PBRM1: variants seen among roughly 807,000 people sequenced by gnomAD.
PBRM1 encodes protein polybromo-1.
In PBRM1, 27 loss-of-function variants were observed where a neutral mutation model predicts 194.5. The observed-to-expected ratio is 0.14, with a 90% CI of 0.10 to 0.19. The LOEUF is 0.19. PBRM1 is among the 10% of genes least tolerant of loss of function. The probability of loss-of-function intolerance (pLI) is 1.00; values close to 1 mark genes in which losing one functional copy is unlikely to be tolerated. For synonymous variants in PBRM1, 655 were observed against 693.2 expected, an observed-to-expected ratio of 0.94 and a Z score of 0.87; for missense variants, 1,466 against 2,077.2, an observed-to-expected ratio of 0.71 and a Z score of 5.72.
chr3:52,591,458 A>G (rs1214504697), intron 17 of PBRM1, among the ~76,000 whole-genome samples: 1 of 150,634 alleles, frequency 6.6e-6, no homozygotes, highest in Non-Finnish European at 1.5e-5. Context: ...AGAGTTTTTA[A>G]TATGTCAAAA....
intron 22 of PBRM1, among the ~76,000 whole-genome samples, chr3:52,575,076 A>AT (rs1365151606): frequency 1.3e-5 from 2 of 151,692 alleles, no homozygotes; most frequent in Admixed American, 6.6e-5. Flanking sequence ...TAATTTCTGT[A>AT]TTTTTTTGTA....
At chr3:52,643,495 C>T (rs761686987) in intron 8 of PBRM1, 152 bp from the exon 10 acceptor site, 1 of 618,760 alleles carries the variant, frequency 1.6e-6, no homozygotes, top group Non-Finnish European at 2.9e-6. Flanking sequence ...CTGCTTCAGG[C>T]CCTGGGGACT....
intron 13 of PBRM1, among the ~76,000 whole-genome samples, chr3:52,619,398 A>G (rs62253733): frequency 0.34 from 51,423 of 152,016 alleles, 9,698 homozygotes; most frequent in Admixed American, 0.46. Context: ...TACTTATAAT[A>G]CCTAATACAT....
intron 3 of PBRM1, among the ~76,000 whole-genome samples, chr3:52,668,272 G>A (rs181481804): frequency 4.9e-4 from 74 of 152,320 alleles, no homozygotes; most frequent in African/African-American, 1.7e-3. Flanking sequence ...ACTCCAGCCC[G>A]TGTAACAGAG....
exon 17 of PBRM1, chr3:52,603,703 A>C: frequency 6.2e-7 from 1 of 1,605,952 alleles, no homozygotes. Flanking sequence ...CTGAAGTTCT[A>C]CTGCATCTTC....
chr3:52,556,692 T>G (rs998050880), intron 26 of PBRM1, among the ~76,000 whole-genome samples: 5 of 152,214 alleles, frequency 3.3e-5, no homozygotes, highest in African/African-American at 1.2e-4. Context: ...TAAGTAAGAC[T>G]CAGGCCCTAA....
At chr3:52,546,045 CTA>C (rs1319923804), downstream of PBRM1, 6 of 233,092 alleles carry the variant, frequency 2.6e-5, no homozygotes, top group Non-Finnish European at 5.1e-5. Context: ...CTGGCTGGAT[CTA>C]TGTTTCCTAT....
chr3:52,684,346 C>A (rs1448859424), upstream of PBRM1, among the ~76,000 whole-genome samples: 1 of 152,000 alleles, frequency 6.6e-6, no homozygotes, highest in Non-Finnish European at 1.5e-5. Flanking sequence ...GTTAAGAATA[C>A]TTAATAATGT....
At chr3:52,656,578 T>A (rs2096611830) in intron 5 of PBRM1, among the ~76,000 whole-genome samples, 1 of 152,194 alleles carries the variant, frequency 6.6e-6, no homozygotes, top group African/African-American at 2.4e-5. Flanking sequence ...GGCAGGACAA[T>A]CGCTTGAACT....
chr3:52,601,162 G>A (rs1480122864), intron 17 of PBRM1, among the ~76,000 whole-genome samples: 2 of 152,190 alleles, frequency 1.3e-5, no homozygotes, highest in African/African-American at 4.8e-5. Flanking sequence ...GGATACTTTG[G>A]TTTTGAATCT....
chr3:52,649,095 G>A (rs2096412899), intron 6 of PBRM1, among the ~76,000 whole-genome samples: 1 of 152,212 alleles, frequency 6.6e-6, no homozygotes, highest in East Asian at 1.9e-4. Flanking sequence ...TGAGCGAAAT[G>A]GAAGGTGGAG....
chr3:52,575,714 T>C (rs1319421549), intron 22 of PBRM1, among the ~76,000 whole-genome samples: 1 of 146,224 alleles, frequency 6.8e-6, no homozygotes, highest in Non-Finnish European at 1.5e-5. Flanking sequence ...AAGGTTTCAC[T>C]ATGTTGGCAG....
At chr3:52,587,596 G>C in intron 18 of PBRM1, 86 bp from the exon 21 acceptor site, 1 of 973,976 alleles carries the variant, frequency 1.0e-6, no homozygotes, top group Non-Finnish European at 1.5e-6. Context: ...TTTTTAAAGA[G>C]ACTGGGTCTC....
At chr3:52,657,658 T>G (rs1258330590) in intron 5 of PBRM1, among the ~76,000 whole-genome samples, 1 of 152,060 alleles carries the variant, frequency 6.6e-6, no homozygotes, top group East Asian at 1.9e-4. Context: ...TTACTAGGGA[T>G]GGGTTTTCAC....
At chr3:52,659,349 T>C (rs1013134710) in intron 4 of PBRM1, among the ~76,000 whole-genome samples, 2 of 152,208 alleles carry the variant, frequency 1.3e-5, no homozygotes, top group African/African-American at 2.4e-5. Context: ...ATTTTTTTTC[T>C]GGTTTAAATC....
At chr3:52,595,606 G>GT (rs897368714) in intron 17 of PBRM1, among the ~76,000 whole-genome samples, 1 of 152,178 alleles carries the variant, frequency 6.6e-6, no homozygotes, top group African/African-American at 2.4e-5. Context: ...TTTGCAGATA[G>GT]TTTTTTCCCA....
intron 10 of PBRM1, among the ~76,000 whole-genome samples, chr3:52,637,020 C>T (rs2095849714): frequency 6.6e-6 from 1 of 152,018 alleles, no homozygotes; most frequent in Non-Finnish European, 1.5e-5. Flanking sequence ...CCACATAAAG[C>T]AGTTGAAGGG....
chr3:52,658,392 G>C, intron 4 of PBRM1, 77 bp from the exon 6 acceptor site: 1 of 737,958 alleles, frequency 1.4e-6, no homozygotes, highest in Non-Finnish European at 2.3e-6. Flanking sequence ...TAAAATTGTA[G>C]AGCTAATTCA....
chr3:52,634,830 A>G lies in PBRM1; in HGVS notation c.1088-15T>C. On this transcript the variant is annotated splice_polypyrimidine_tract_variant and intron_variant, in intron 10 of 29. Transcript: ENST00000296302. ...ATAGCGTGCAGCTGGAAAGACAAAA[A>G]AAGTATTTATAAAGGGACGAATGAG... is the stretch of plus-strand genomic sequence containing the variant. The G allele has an allele frequency of 3.8e-6, 6 of 1,586,848 alleles. No homozygotes were observed. Among genetic ancestry groups the G allele is most frequent in the Non-Finnish European group, 5.2e-6 (6 of 1,157,878 alleles).
Sources: allele counts gnomAD v4.1 joint callset (sites outside exome capture counted in the v4.1 genomes callset), GRCh38; gene constraint gnomAD v4.1.1; transcripts MANE v1.5; gene names NCBI Gene and HGNC (gene_info 2026-07-23, HGNC 2026-07-21).